NELL2: variants seen among roughly 807,000 people sequenced by gnomAD.
NELL2 encodes the protein protein kinase C-binding protein NELL2.
Under a neutral mutation model 109.6 loss-of-function variants are expected in NELL2, and 41 were observed. That is an observed-to-expected ratio of 0.37 (90% CI 0.29 to 0.49). The LOEUF (loss-of-function observed/expected upper bound fraction) is 0.49, where lower values mean the gene tolerates loss of function less well. Among genes scored for constraint, NELL2 ranks in the 20% least tolerant of loss-of-function variants. The pLI, the probability that NELL2 is intolerant of heterozygous loss-of-function variation, is 0.98. For synonymous variants in NELL2, 355 were observed against 344.7 expected (o/e 1.03, Z -0.33); for missense variants, 900 against 1,008.3 (o/e 0.89, Z 1.45).
At chr12:44,650,526 C>G (rs1428865002) in intron 13 of NELL2, among the ~76,000 whole-genome samples, 2 of 152,018 alleles carry the variant, frequency 1.3e-5, no homozygotes, top group Non-Finnish European at 2.9e-5. Context: ...AACCCCTGAC[C>G]TCAAGTGATC....
intron 15 of NELL2, among the ~76,000 whole-genome samples, chr12:44,565,409 G>T (rs553714149): frequency 6.6e-6 from 1 of 152,282 alleles, no homozygotes; most frequent in Non-Finnish European, 1.5e-5. Context: ...TGTGAAATAC[G>T]TGCATCTTAG....
chr12:44,730,071 A>G (rs1250078078), intron 9 of NELL2, among the ~76,000 whole-genome samples: 1 of 152,190 alleles, frequency 6.6e-6, no homozygotes, highest in Non-Finnish European at 1.5e-5. Context: ...TAAAGACAAG[A>G]GGGTTTATAT....
At position 44,563,412 on chromosome 12, in the gene NELL2, C is replaced by A. The variant is rs565235075; in HGVS notation, c.1664-30691G>T. On this transcript the variant is annotated intron_variant, in intron 15 of 19. Coordinates refer to ENST00000429094, the MANE Select transcript of NELL2 (RefSeq NM_001145108.2). ...TCTTGCCTTTGCCACCAGCAAAATT[C>A]TAAATCCTGAATTTGAAGCTCTGCT... Among the ~76,000 whole-genome samples, 221 of 152,102 alleles carry A rather than the reference C, an allele frequency of 1.5e-3. 1 individual carries two copies. The highest frequency in any genetic ancestry group is 5.1e-3 in the African/African-American group (213 of 41,472).
At chr12:44,776,644 A>G (rs910215604) in intron 7 of NELL2, among the ~76,000 whole-genome samples, 2 of 152,230 alleles carry the variant, frequency 1.3e-5, no homozygotes, top group Non-Finnish European at 2.9e-5. Flanking sequence ...AAATAATCCT[A>G]GAACTGTAAC....
At chr12:44,854,692 ATGGGTGGATGGATGGG>A (rs770782761) in intron 2 of NELL2, among the ~76,000 whole-genome samples, 1,708 of 116,112 alleles carry the variant, frequency 0.015, 21 homozygotes, top group Admixed American at 0.027. Flanking sequence ...GGGTGGATGG[ATGGGTGGATGGATGGG>A]TGGGTGGGTG....
intron 15 of NELL2, among the ~76,000 whole-genome samples, chr12:44,602,607 TCTC>T (rs1210902504): frequency 6.6e-6 from 1 of 152,160 alleles, no homozygotes; most frequent in Non-Finnish European, 1.5e-5. Context: ...CTTCTCAATT[TCTC>T]CTCTTTTCTC....
At chr12:44,527,542 GTTA>G in intron 16 of NELL2, among the ~76,000 whole-genome samples, 1 of 152,164 alleles carries the variant, frequency 6.6e-6, no homozygotes, top group East Asian at 1.9e-4. Flanking sequence ...ACACAGTGAA[GTTA>G]TTTATTCATG....
chr12:44,521,228 A>C lies in NELL2; in HGVS notation c.2175+772T>G, dbSNP rs141434433. ...TATGTATTTATTGCATATCCATATT[A>C]TGTGCAAAACAAGGTGCCCATCAGA... On this transcript the variant is annotated intron_variant, in intron 18 of 19. Transcript: ENST00000429094. Among the ~76,000 whole-genome samples, 1,137 of 152,290 alleles carry C rather than the reference A, an allele frequency of 7.5e-3. 16 individuals are homozygous for C. Among genetic ancestry groups the C allele is most frequent in the African/African-American group, 0.026 (1,081 of 41,544 alleles).
At chr12:44,803,176 TA>T (rs1942889419) in intron 3 of NELL2, among the ~76,000 whole-genome samples, 1 of 152,038 alleles carries the variant, frequency 6.6e-6, no homozygotes, top group Admixed American at 6.6e-5. Context: ...GAGAGGCCTA[TA>T]CTTCTAAGAC....
At chr12:44,564,300 T>C (rs1017663269) in intron 15 of NELL2, among the ~76,000 whole-genome samples, 2 of 152,162 alleles carry the variant, frequency 1.3e-5, no homozygotes, top group Non-Finnish European at 2.9e-5. Flanking sequence ...TGGGGCAGCA[T>C]TTGAGGAGAT....
In NELL2 at chr12:44,773,204, G is replaced by A. The variant is rs1335609997; in HGVS notation, c.994+1543C>T. On this transcript the variant is annotated intron_variant, in intron 9 of 19. Transcript: ENST00000429094. ...AAGAAGTTAAAGCAGGGCAGGGCAC[G>A]GTGGCTCACGCCTGTAATCCCAGCA... Among the ~76,000 whole-genome samples the A allele has an allele frequency of 5.3e-5, 8 of 152,252 alleles. No individual in the cohort carries two copies. The South Asian group carries it at 1.2e-3, about 24-fold the overall frequency.
At chr12:44,538,054 C>A (rs1286670054) in intron 15 of NELL2, among the ~76,000 whole-genome samples, 1 of 152,086 alleles carries the variant, frequency 6.6e-6, no homozygotes, top group Non-Finnish European at 1.5e-5. Context: ...CAGATATAAT[C>A]TCTTCATCAT....
chr12:44,668,400 G>A (rs924439405), intron 12 of NELL2, among the ~76,000 whole-genome samples: 1 of 152,024 alleles, frequency 6.6e-6, no homozygotes, highest in African/African-American at 2.4e-5. Context: ...TGCCCTCCTG[G>A]GGGCTGAGGA....
intron 14 of NELL2, among the ~76,000 whole-genome samples, chr12:44,607,687 T>A (rs10506252): frequency 0.11 from 17,327 of 152,064 alleles, 1,140 homozygotes; most frequent in African/African-American, 0.18. Flanking sequence ...TCTGACCATT[T>A]TGCACACTAG....
intron 9 of NELL2, among the ~76,000 whole-genome samples, chr12:44,765,517 C>T (rs914057464): frequency 3.3e-5 from 5 of 152,054 alleles, no homozygotes; most frequent in Non-Finnish European, 2.9e-5. Context: ...TGAGGTGAAA[C>T]GGGTGTGAAC....
intron 2 of NELL2, among the ~76,000 whole-genome samples, chr12:44,872,440 A>C (rs1297942521): frequency 6.6e-6 from 1 of 152,154 alleles, no homozygotes; most frequent in East Asian, 1.9e-4. Context: ...TATTTTTAAA[A>C]CATATGACTT....
intron 15 of NELL2, among the ~76,000 whole-genome samples, chr12:44,595,593 ATTTTTTT>A (rs57566164): frequency 3.3e-5 from 4 of 121,328 alleles, no homozygotes; most frequent in Admixed American, 8.5e-5. Context: ...CACCCAGCTA[ATTTTTTT>A]TTTTTTTTTT....
At chr12:44,752,548 G>T (rs955096934) in intron 9 of NELL2, among the ~76,000 whole-genome samples, 4 of 152,108 alleles carry the variant, frequency 2.6e-5, no homozygotes, top group African/African-American at 9.7e-5. Flanking sequence ...CCTCACTACA[G>T]CTTTTGCTTC....
At chr12:44,767,046 T>A (rs1404705741) in intron 9 of NELL2, among the ~76,000 whole-genome samples, 1 of 152,168 alleles carries the variant, frequency 6.6e-6, no homozygotes, top group East Asian at 1.9e-4. Flanking sequence ...AGGCACAGTA[T>A]AATGCCTTAG....
Sources: allele counts gnomAD v4.1 joint callset (sites outside exome capture counted in the v4.1 genomes callset), GRCh38; gene constraint gnomAD v4.1.1; transcripts MANE v1.5; gene names NCBI Gene and HGNC (gene_info 2026-07-23, HGNC 2026-07-21).